The following METTL24 variants were observed in gnomAD, a reference collection of about 807,000 sequenced individuals.
METTL24 encodes probable methyltransferase-like protein 24.
In METTL24, 29 loss-of-function variants were observed where a neutral mutation model predicts 32.7. That is an observed-to-expected ratio of 0.89 (90% CI 0.66 to 1.21). The LOEUF (loss-of-function observed/expected upper bound fraction) is 1.21, where lower values mean the gene tolerates loss of function less well. Among genes scored for constraint, METTL24 ranks in the 50% most tolerant of loss-of-function variants. METTL24 has a pLI of 0.00. For synonymous variants in METTL24, 163 were observed against 179.5 expected (o/e 0.91, Z 0.73); for missense variants, 439 against 468.1 (o/e 0.94, Z 0.57).
At chr6:110,286,139 G>A (rs1771216282) in intron 4 of METTL24, among the ~76,000 whole-genome samples, 1 of 152,160 alleles carries the variant, frequency 6.6e-6, no homozygotes, top group Admixed American at 6.6e-5. Flanking sequence ...CTGAGGAATG[G>A]GGAACTCATC....
chr6:110,349,807 G>A (rs139768941), intron 1 of METTL24, among the ~76,000 whole-genome samples: 64 of 152,310 alleles, frequency 4.2e-4, no homozygotes, highest in African/African-American at 1.3e-3. Flanking sequence ...GTCTGCCAAG[G>A]TTCTTAGTTG....
chr6:110,336,920 G>T (rs943999194), intron 1 of METTL24, among the ~76,000 whole-genome samples: 3 of 151,954 alleles, frequency 2.0e-5, no homozygotes, highest in African/African-American at 7.3e-5. Context: ...CGCATTATTG[G>T]GTATGTACCC....
At chr6:110,309,944 T>G (rs1771691571) in intron 3 of METTL24, among the ~76,000 whole-genome samples, 1 of 152,158 alleles carries the variant, frequency 6.6e-6, no homozygotes, top group African/African-American at 2.4e-5. Context: ...TATGCACGTA[T>G]TACATAAATA....
At chr6:110,317,257 C>G (rs1771836572) in intron 2 of METTL24, among the ~76,000 whole-genome samples, 1 of 152,222 alleles carries the variant, frequency 6.6e-6, no homozygotes, top group Non-Finnish European at 1.5e-5. Flanking sequence ...TCTGAAGCAA[C>G]AGCTACAGAA....
At position 110,299,013 on chromosome 6, in the gene METTL24, C is replaced by T; in HGVS notation, c.695G>A (p.Trp232Ter). The change falls in exon 4 of 5, where the codon TGG (tryptophan) becomes TAG (stop). Residue 232 changes from tryptophan (W) to a stop codon, truncating the protein, a stop_gained. Transcript: ENST00000338882. LOFTEE classifies it high-confidence loss of function. Reference sequence around the variant, plus strand: ...AGCAACAGCTGGATGGGGATCCCGCCAGTCAATGGACAAGCGGTGATACCA... The same window carrying T: ...AGCAACAGCTGGATGGGGATCCCGCTAGTCAATGGACAAGCGGTGATACCA... ...HLWYHRLSID[W>*]RDPHPAVAAQ... 6.2e-7 allele frequency: 1 copy of T among 1,614,178 alleles called. No homozygotes were observed. The highest frequency in any genetic ancestry group is 8.5e-7 in the Non-Finnish European group (1 of 1,180,028).
chr6:110,295,623 T>C (rs1365114814), intron 4 of METTL24, among the ~76,000 whole-genome samples: 1 of 152,200 alleles, frequency 6.6e-6, no homozygotes, highest in Non-Finnish European at 1.5e-5. Context: ...CACAAGGCTG[T>C]TCAGCGCCTG....
At position 110,292,072 on chromosome 6, in the gene METTL24, G is replaced by GT. The variant is rs565336559; in HGVS notation, c.786+6849dup. 3.6e-3 allele frequency among the ~76,000 whole-genome samples: 548 copies of GT among 152,122 alleles called. 2 individuals are homozygous for GT. The highest frequency in any genetic ancestry group is 0.014 in the Middle Eastern group (4 of 294). ...ATCAGTACATAAAAATTTGTTTGTC[G>GT]TTTTTTTAAGTGGTTTTGTAAGTTG... On this transcript the variant is annotated intron_variant, in intron 4 of 4. Coordinates refer to ENST00000338882, the MANE Select transcript of METTL24 (RefSeq NM_001123364.3).
At chr6:110,250,791 GA>G (rs1227161882) in intron 4 of METTL24, among the ~76,000 whole-genome samples, 1 of 152,182 alleles carries the variant, frequency 6.6e-6, no homozygotes, top group African/African-American at 2.4e-5. Context: ...AAAGCCAGTT[GA>G]AACCACCATC....
chr6:110,285,965 GA>G (rs1771212924), intron 4 of METTL24, among the ~76,000 whole-genome samples: 1 of 152,170 alleles, frequency 6.6e-6, no homozygotes, highest in Non-Finnish European at 1.5e-5. Flanking sequence ...CGGGCCCTTT[GA>G]AAAATCTCAA....
intron 4 of METTL24, among the ~76,000 whole-genome samples, chr6:110,250,796 C>T (rs1270559282): frequency 2.6e-5 from 4 of 152,276 alleles, no homozygotes; most frequent in African/African-American, 9.6e-5. Flanking sequence ...CAGTTGAAAC[C>T]ACCATCGTGA....
At chr6:110,291,033 T>G (rs1205800903) in intron 4 of METTL24, among the ~76,000 whole-genome samples, 1 of 152,172 alleles carries the variant, frequency 6.6e-6, no homozygotes, top group African/African-American at 2.4e-5. Context: ...TTTAACTCTT[T>G]TGTTTGTTAA....
At position 110,246,274 on chromosome 6, in the gene METTL24, A is replaced by T; in HGVS notation, c.787-14T>A. The T allele has an allele frequency of 6.3e-7, 1 of 1,580,554 alleles. No homozygotes were observed. The highest frequency in any genetic ancestry group is 8.6e-7 in the Non-Finnish European group (1 of 1,161,250). On this transcript the variant is annotated splice_polypyrimidine_tract_variant and intron_variant, in intron 4 of 4. Coordinates refer to ENST00000338882, the MANE Select transcript of METTL24 (RefSeq NM_001123364.3). ...GAGAACGTCAATCTGTAACAAAGCAATGAAATGAGATTAGCAGATTTAGTA... is the reference window on the plus strand; with the variant it reads ...GAGAACGTCAATCTGTAACAAAGCATTGAAATGAGATTAGCAGATTTAGTA...
At chr6:110,298,549 C>T (rs935270765) in intron 4 of METTL24, among the ~76,000 whole-genome samples, 7 of 137,802 alleles carry the variant, frequency 5.1e-5, no homozygotes, top group African/African-American at 2.1e-4. Context: ...AACATAACCC[C>T]GATTTTTTTT....
intron 4 of METTL24, among the ~76,000 whole-genome samples, chr6:110,287,577 T>G (rs974789934): frequency 3.9e-5 from 6 of 152,148 alleles, no homozygotes; most frequent in African/African-American, 1.4e-4. Context: ...CCACAGCATA[T>G]CTGGTTTTCG....
At chr6:110,318,451 C>A (rs139974887) in intron 2 of METTL24, among the ~76,000 whole-genome samples, 192 of 151,974 alleles carry the variant, frequency 1.3e-3, no homozygotes, top group African/African-American at 4.3e-3. Context: ...AGTTTGAGAC[C>A]AGCCTGGCCA....
At position 110,315,410 on chromosome 6, in the gene METTL24, C is replaced by T. The variant is rs1210977017; in HGVS notation, c.489G>A (p.Val163=). The change falls in exon 3 of 5, where the codon GTG becomes GTA. Residue 163 remains valine, a synonymous_variant. Coordinates refer to ENST00000338882, the MANE Select transcript of METTL24 (RefSeq NM_001123364.3). ...CTAAATTGAACCTGTCGTCAAGACA[C>T]ACTGACCAGGGCTTGTGTGTAGGAC... ...DSSPTHKPWS[V]CLDDRFNLAH... 6.2e-7 allele frequency: 1 copy of T among 1,614,074 alleles called. No individual in the cohort carries two copies. The highest frequency in any genetic ancestry group is 8.5e-7 in the Non-Finnish European group (1 of 1,180,024).
rs913279790 is a variant in METTL24, at chr6:110,333,648, G to A, written c.319-10776C>T. On this transcript the variant is annotated intron_variant, in intron 1 of 4. Coordinates refer to ENST00000338882, the MANE Select transcript of METTL24 (RefSeq NM_001123364.3). The stretch of plus-strand genomic sequence containing the variant: ...GTAGAGATGGAGTTTCACCATGTTG[G>A]CCAGGCTGGTCTCAAGCTCGTGACC... 2.1e-4 allele frequency among the ~76,000 whole-genome samples: 32 copies of A among 152,052 alleles called. 1 individual carries two copies. The highest frequency in any genetic ancestry group is 7.4e-5 in the Non-Finnish European group (5 of 68,012).
intron 4 of METTL24, among the ~76,000 whole-genome samples, chr6:110,255,087 A>C (rs1778357427): frequency 6.6e-6 from 1 of 152,186 alleles, no homozygotes; most frequent in South Asian, 2.1e-4. Flanking sequence ...GAAAGAGATG[A>C]GGTTTGCCCT....
At chr6:110,317,225 G>C (rs1771836064) in intron 2 of METTL24, among the ~76,000 whole-genome samples, 1 of 152,196 alleles carries the variant, frequency 6.6e-6, no homozygotes, top group Admixed American at 6.5e-5. Context: ...AAAATAATCA[G>C]AGAAAATGGA....
Sources: gnomAD v4.1 joint callset for allele counts (sites outside exome capture counted in the v4.1 genomes callset) on GRCh38, gnomAD v4.1.1 for gene constraint, MANE v1.5 for transcripts, NCBI Gene and HGNC (gene_info 2026-07-23, HGNC 2026-07-21) for gene names.